The following METTL15 variants were observed in gnomAD, a reference collection of about 807,000 sequenced individuals.
The protein encoded by METTL15 is 12S rRNA N(4)-cytidine methyltransferase METTL15.
Under a neutral mutation model 38.3 loss-of-function variants are expected in METTL15, and 34 were observed. That is an observed-to-expected ratio of 0.89 (90% CI 0.68 to 1.18). The LOEUF is 1.18. METTL15 is among the 50% of genes most tolerant of loss of function. The pLI is 0.00. For synonymous variants in METTL15, 162 were observed against 170.9 expected, an observed-to-expected ratio of 0.95 and a Z score of 0.41; for missense variants, 438 against 498.4, an observed-to-expected ratio of 0.88 and a Z score of 1.15.
intron 6 of METTL15, among the ~76,000 whole-genome samples, chr11:28,462,479 TACACACACACACACACACACACACAC>T (rs10573384): frequency 6.8e-6 from 1 of 146,328 alleles, no homozygotes; most frequent in Non-Finnish European, 1.5e-5. Flanking sequence ...CATACACGCT[TACACACACACACACACACACACACAC>T]ACACACACAC....
At chr11:28,524,747 G>C (rs1447444348) in intron 6 of METTL15, among the ~76,000 whole-genome samples, 1 of 152,164 alleles carries the variant, frequency 6.6e-6, no homozygotes. Context: ...AAATTGAAGG[G>C]AGCCTAATGA....
At chr11:28,206,282 G>C (rs1852339177) in intron 3 of METTL15, among the ~76,000 whole-genome samples, 1 of 151,820 alleles carries the variant, frequency 6.6e-6, no homozygotes, top group African/African-American at 2.4e-5. Context: ...ATTAATTTTT[G>C]TATAAGATGT....
intron 4 of METTL15, among the ~76,000 whole-genome samples, chr11:28,271,397 G>A (rs1258437492): frequency 6.6e-6 from 1 of 152,098 alleles, no homozygotes; most frequent in Non-Finnish European, 1.5e-5. Context: ...TTGGCATGAG[G>A]CTAGTCTGGT....
chr11:28,187,492 C>T (rs1851540303), intron 3 of METTL15, among the ~76,000 whole-genome samples: 1 of 147,496 alleles, frequency 6.8e-6, no homozygotes, highest in Admixed American at 6.8e-5. Flanking sequence ...TTGGACAGTA[C>T]CTGGTACATA....
chr11:28,458,175 T>C (rs1590381572), intron 6 of METTL15, among the ~76,000 whole-genome samples: 1 of 152,212 alleles, frequency 6.6e-6, no homozygotes, highest in East Asian at 1.9e-4. Context: ...TGTTGGTATA[T>C]ACTGTAACTG....
Position 28,518,306 on chromosome 11 carries a change from TATC to T in METTL15, c.*425-8169_*425-8167del, listed in dbSNP as rs1851736202. On this transcript the variant is annotated intron_variant and NMD_transcript_variant, in intron 6 of 7. Coordinates refer to the METTL15 transcript ENST00000532947. ...TTTGGGAAGGAACTATCCTGGTTGTTATCATGGTCCATGAATATTTATGGAGCA... is the reference window on the plus strand; with the variant it reads ...TTTGGGAAGGAACTATCCTGGTTGTTATGGTCCATGAATATTTATGGAGCA... Among the ~76,000 whole-genome samples, 5 of 152,328 alleles carry T rather than the reference TATC, an allele frequency of 3.3e-5. No homozygotes were observed. In the South Asian group the frequency reaches 1.0e-3, roughly 32 times the overall value.
intron 4 of METTL15, among the ~76,000 whole-genome samples, chr11:28,217,514 T>G (rs572707949): frequency 1.3e-5 from 2 of 152,292 alleles, no homozygotes; most frequent in East Asian, 3.9e-4. Flanking sequence ...AGGTTGCCTG[T>G]TCACTCTGAT....
chr11:28,170,587 A>C (rs574306761), intron 3 of METTL15, among the ~76,000 whole-genome samples: 8 of 152,224 alleles, frequency 5.3e-5, no homozygotes, highest in Admixed American at 4.6e-4. Flanking sequence ...ATTATGCATG[A>C]GTTTTCTGGG....
chr11:28,144,493 G>A (rs979731515), intron 3 of METTL15, among the ~76,000 whole-genome samples: 6 of 151,996 alleles, frequency 3.9e-5, no homozygotes, highest in African/African-American at 1.5e-4. Flanking sequence ...ACTCATTATT[G>A]TGTTTACTCC....
At chr11:28,199,453 T>C (rs1163197590) in intron 3 of METTL15, among the ~76,000 whole-genome samples, 1 of 152,146 alleles carries the variant, frequency 6.6e-6, no homozygotes, top group Non-Finnish European at 1.5e-5. Flanking sequence ...TTAAACCTCT[T>C]CAAGAAGTTT....
At chr11:28,111,508 A>G (rs1373317572) in intron 2 of METTL15, among the ~76,000 whole-genome samples, 1 of 152,214 alleles carries the variant, frequency 6.6e-6, no homozygotes, top group African/African-American at 2.4e-5. Flanking sequence ...AAATGAATCT[A>G]TGAGATATTA....
At chr11:28,367,925 A>G (rs1263307915) in intron 5 of METTL15, among the ~76,000 whole-genome samples, 2 of 151,772 alleles carry the variant, frequency 1.3e-5, no homozygotes, top group Non-Finnish European at 2.9e-5. Flanking sequence ...CCCTTTTACA[A>G]CTTATACAAA....
intron 3 of METTL15, among the ~76,000 whole-genome samples, chr11:28,114,472 A>C (rs548497159): frequency 8.5e-5 from 13 of 152,090 alleles, no homozygotes; most frequent in Non-Finnish European, 1.9e-4. Context: ...TTTTTTTGAA[A>C]CAGAGTCTTG....
chr11:28,115,084 A>G (rs1851881824), intron 3 of METTL15, among the ~76,000 whole-genome samples: 2 of 152,156 alleles, frequency 1.3e-5, no homozygotes, highest in Non-Finnish European at 2.9e-5. Flanking sequence ...CCAGAGAATC[A>G]AAACCAACAG....
At chr11:28,365,154 C>T (rs1409457848) in intron 5 of METTL15, among the ~76,000 whole-genome samples, 1 of 152,060 alleles carries the variant, frequency 6.6e-6, no homozygotes, top group Admixed American at 6.6e-5. Flanking sequence ...TTCATTGTGT[C>T]TCTGCCATGT....
intron 3 of METTL15, among the ~76,000 whole-genome samples, chr11:28,170,949 A>G (rs1850835365): frequency 6.6e-6 from 1 of 152,096 alleles, no homozygotes; most frequent in Non-Finnish European, 1.5e-5. Context: ...TTCAAGATGG[A>G]GTCGCTGTGG....
chr11:28,490,188 C>A (rs1024612155), intron 6 of METTL15, among the ~76,000 whole-genome samples: 1 of 152,128 alleles, frequency 6.6e-6, no homozygotes, highest in Non-Finnish European at 1.5e-5. Flanking sequence ...GCAATCTGGT[C>A]CATGGAAAGA....
chr11:28,148,270 C>G (rs1021222176), intron 3 of METTL15, among the ~76,000 whole-genome samples: 1 of 151,872 alleles, frequency 6.6e-6, no homozygotes, highest in Non-Finnish European at 1.5e-5. Flanking sequence ...ATCAATTTTT[C>G]TTGCATTTTA....
intron 5 of METTL15, among the ~76,000 whole-genome samples, chr11:28,381,270 G>C (rs946626551): frequency 3.8e-4 from 58 of 152,130 alleles, no homozygotes; most frequent in African/African-American, 1.3e-3. Context: ...AGTTGCTGGG[G>C]TTACAAATAT....
Sources: gnomAD v4.1 joint callset for allele counts (sites outside exome capture counted in the v4.1 genomes callset) on GRCh38, gnomAD v4.1.1 for gene constraint, MANE v1.5 for transcripts, NCBI Gene and HGNC (gene_info 2026-07-23, HGNC 2026-07-21) for gene names.